Variants in KIF3C observed in about 807,000 individuals in gnomAD.
The protein encoded by KIF3C is kinesin family member 3C.
KIF3C carries 12 observed loss-of-function variants against 67.7 expected under a neutral mutation model. That is an observed-to-expected ratio of 0.18 (90% CI 0.11 to 0.29). The LOEUF is 0.29. Ranked by LOEUF, KIF3C falls within the 10% of genes least tolerant of loss-of-function variation. KIF3C has a pLI of 1.00. For missense variants in KIF3C, 789 were observed against 1,059.6 expected, an observed-to-expected ratio of 0.74 and a Z score of 3.55; for synonymous variants, 393 against 426.2, an observed-to-expected ratio of 0.92 and a Z score of 0.96.
intron 5 of KIF3C, among the ~76,000 whole-genome samples, chr2:25,943,610 G>A (rs1030860850): frequency 1.3e-5 from 2 of 152,150 alleles, no homozygotes; most frequent in Admixed American, 6.6e-5. Context: ...TTGGGAGGCC[G>A]AGGTGGGCGG....
intron 6 of KIF3C, 25 bp from the exon 7 acceptor site, chr2:25,929,502 C>G (rs2090440115): frequency 3.7e-6 from 6 of 1,607,948 alleles, no homozygotes; most frequent in Non-Finnish European, 5.1e-6. Context: ...TCATGCCAGG[C>G]TTGAACAGTG....
chr2:25,935,888 T>C (rs913343359), intron 5 of KIF3C, among the ~76,000 whole-genome samples: 3 of 150,182 alleles, frequency 2.0e-5, no homozygotes, highest in East Asian at 2.0e-4. Flanking sequence ...CCATCCTGGC[T>C]AACACGGTGA....
In KIF3C at chr2:25,955,758, G is replaced by C; in HGVS notation, c.1648-95C>G. 1 of 1,469,072 alleles carries C rather than the reference G, an allele frequency of 6.8e-7. No individual in the cohort carries two copies. Among genetic ancestry groups the C allele is most frequent in the Non-Finnish European group, 9.3e-7 (1 of 1,073,116 alleles). The allele number at this position is 1,469,072 out of a possible 1,614,324, so 91.0% of individuals were successfully genotyped here. A position where few individuals can be genotyped will look rare whatever the true frequency, so the allele number is the denominator to read the frequency against. ...GACTGGCTCACTCTGCCTGTCTCGG[G>C]ACCTGGCTTCACCATGGCCCATGGC... On this transcript the variant is annotated intron_variant, in intron 2 of 7. Coordinates refer to ENST00000264712, the MANE Select transcript of KIF3C (RefSeq NM_002254.8). This position sits in a 1 kb window ranked among gnomAD's most constrained non-coding sequence, Gnocchi z 5.0.
chr2:25,969,670 C>T lies in KIF3C; in HGVS notation c.1545+10703G>A, dbSNP rs932027119. On this transcript the variant is annotated intron_variant, in intron 1 of 7. Coordinates refer to ENST00000264712, the MANE Select transcript of KIF3C (RefSeq NM_002254.8). ...GAATTTAAAGATGAAGTTAACTATA[C>T]CTACTGATTTATGTCCTTGGCCATG... Among the ~76,000 whole-genome samples the T allele has an allele frequency of 9.9e-5, 15 of 151,990 alleles. No individual in the cohort carries two copies. The East Asian group carries it at 1.5e-3, about 16-fold the overall frequency.
At chr2:25,969,595 T>C (rs188146070) in intron 1 of KIF3C, among the ~76,000 whole-genome samples, 68 of 152,328 alleles carry the variant, frequency 4.5e-4, no homozygotes, top group Admixed American at 1.6e-3. Flanking sequence ...TTAAAATCCC[T>C]AGCAATAACC....
intron 5 of KIF3C, among the ~76,000 whole-genome samples, chr2:25,946,548 C>T (rs1454633151): frequency 3.9e-5 from 6 of 151,900 alleles, no homozygotes; most frequent in Middle Eastern, 3.2e-3. Context: ...ATTAGCTGGG[C>T]GTGGAGGCAC....
At chr2:25,934,990 TCC>T (rs1663050350) in intron 5 of KIF3C, among the ~76,000 whole-genome samples, 1 of 151,712 alleles carries the variant, frequency 6.6e-6, no homozygotes, top group African/African-American at 2.4e-5. Flanking sequence ...ATGCCTATAA[TCC>T]CAGCACTTTG....
chr2:25,979,965 G>A (rs374252356), intron 1 of KIF3C, among the ~76,000 whole-genome samples: 4 of 152,290 alleles, frequency 2.6e-5, no homozygotes, highest in South Asian at 2.1e-4. Flanking sequence ...TTATTAAAAC[G>A]ACGTGAGGTT....
rs2090411944 is a variant in KIF3C at position 25,926,638 on chromosome 2, T to C, written c.*2340A>G. ...ATTCCTTTATTGTCAACTGCATTGA[T>C]TGGAACAGGGCTGGGGCCTGCAAGC... On this transcript the variant is annotated 3_prime_UTR_variant, in exon 8 of 8. Transcript: ENST00000264712. 1.3e-5 allele frequency: 2 copies of C among 152,200 alleles called. No homozygotes were observed. The highest frequency in any genetic ancestry group is 2.4e-5 in the African/African-American group (1 of 41,454). The allele number at this position is 152,200 out of a possible 1,614,324, so 9.4% of individuals were successfully genotyped here.
intron 1 of KIF3C, among the ~76,000 whole-genome samples, chr2:25,966,139 T>C (rs551916071): frequency 4.6e-5 from 7 of 151,998 alleles, no homozygotes; most frequent in African/African-American, 1.7e-4. Context: ...ACAGTCTCAT[T>C]TTGTCACCCA....
rs754639957 is a variant in KIF3C, at chr2:25,930,081, T to C, written c.2007-18A>G. ...TGCTACTGCTGTAGGAAAGAGGCTATATTAGAAAGGATTTCTGTGGAACAC... is the reference window on the plus strand; with the variant it reads ...TGCTACTGCTGTAGGAAAGAGGCTACATTAGAAAGGATTTCTGTGGAACAC... On this transcript the variant is annotated intron_variant, in intron 5 of 7. Coordinates refer to ENST00000264712, the MANE Select transcript of KIF3C (RefSeq NM_002254.8). The C allele has an allele frequency of 1.3e-6, 2 of 1,591,612 alleles. No individual in the cohort carries two copies. The highest frequency in any genetic ancestry group is 2.2e-5 in the East Asian group (1 of 44,782).
At chr2:25,975,621 G>A (rs1664392786) in intron 1 of KIF3C, among the ~76,000 whole-genome samples, 1 of 152,152 alleles carries the variant, frequency 6.6e-6, no homozygotes, top group South Asian at 2.1e-4. Context: ...GGCCTTGGGA[G>A]AGTTATTTCA....
intron 1 of KIF3C, among the ~76,000 whole-genome samples, chr2:25,971,252 A>C (rs1574496389): frequency 2.8e-5 from 4 of 143,318 alleles, no homozygotes; most frequent in Admixed American, 7.0e-5. Context: ...AGCTTGGGTG[A>C]CAGAGCAAGA....
chr2:25,971,870 G>GTTTTTTTTTT (rs1559557761), intron 1 of KIF3C, among the ~76,000 whole-genome samples: 5 of 63,922 alleles, frequency 7.8e-5, no homozygotes, highest in Non-Finnish European at 1.5e-4. Context: ...ACCATGCCTA[G>GTTTTTTTTTT]CTTTTTTTTT....
At chr2:25,976,447 T>A (rs1459985979) in intron 1 of KIF3C, among the ~76,000 whole-genome samples, 1 of 152,182 alleles carries the variant, frequency 6.6e-6, no homozygotes, top group Non-Finnish European at 1.5e-5. Context: ...GTTTTAGGAA[T>A]CATCTAGTCC....
chr2:25,962,870 T>A (rs1421135604), intron 1 of KIF3C, among the ~76,000 whole-genome samples: 4 of 76,544 alleles, frequency 5.2e-5, no homozygotes, highest in Admixed American at 4.6e-4. Context: ...ATAATATATA[T>A]AATATATAAA....
rs1242270962 is a variant in KIF3C at position 25,942,945 on chromosome 2, A to G, written c.2006+8844T>C. Among the ~76,000 whole-genome samples, 5 of 152,330 alleles carry G rather than the reference A, an allele frequency of 3.3e-5. No individual in the cohort carries two copies. The East Asian group carries it at 9.6e-4, about 29-fold the overall frequency. On this transcript the variant is annotated intron_variant, in intron 5 of 7. Transcript: ENST00000264712. ...TGGGATGGATGCTTAGAGCTGGAGT[A>G]GGTGGAGGAAGAATGTTTTTTGAAC...
intron 1 of KIF3C, among the ~76,000 whole-genome samples, chr2:25,974,539 T>C (rs182976148): frequency 2.6e-5 from 4 of 152,268 alleles, no homozygotes; most frequent in Admixed American, 6.5e-5. Context: ...ACAAAGATAC[T>C]ATTACTATCC....
intron 1 of KIF3C, among the ~76,000 whole-genome samples, chr2:25,970,616 G>A (rs1470782680): frequency 5.6e-5 from 8 of 142,770 alleles, no homozygotes; most frequent in South Asian, 4.4e-4. Context: ...GCAGTGAGCC[G>A]AGGTCACGCC....
Sources: gnomAD v4.1 joint callset for allele counts (sites outside exome capture counted in the v4.1 genomes callset) on GRCh38, gnomAD v4.1.1 for gene constraint, Gnocchi (gnomAD v3.1) non-coding constraint, MANE v1.5 for transcripts, NCBI Gene and HGNC (gene_info 2026-07-23, HGNC 2026-07-21) for gene names.